TAAR1: variants seen among roughly 807,000 people sequenced by gnomAD.
TAAR1 encodes trace amine associated receptor 1.
TAAR1 carries 1 observed loss-of-function variant against 1.2 expected under a neutral mutation model. The ratio of observed to expected loss-of-function variants is 0.81; its 90% confidence interval spans 0.29 to 3.86. The LOEUF (loss-of-function observed/expected upper bound fraction) is 3.86, where lower values mean the gene tolerates loss of function less well. Ranked by LOEUF, TAAR1 falls within the 30% of genes most tolerant of loss-of-function variation. The probability of loss-of-function intolerance (pLI) is 0.18; values close to 1 mark genes in which losing one functional copy is unlikely to be tolerated. For synonymous variants in TAAR1, 153 were observed against 132.2 expected (o/e 1.16, Z -1.08); for missense variants, 445 against 405.6 (o/e 1.10, Z -0.83).
chr6:132,653,645 C>T (rs1284333767), intron 1 of TAAR1, among the ~76,000 whole-genome samples: 1 of 152,124 alleles, frequency 6.6e-6, no homozygotes, highest in Non-Finnish European at 1.5e-5. Context: ...AATAAATAGT[C>T]TAAAATACAT....
At chr6:132,648,910 G>C (rs1232026558) in intron 1 of TAAR1, among the ~76,000 whole-genome samples, 1 of 152,130 alleles carries the variant, frequency 6.6e-6, no homozygotes, top group Non-Finnish European at 1.5e-5. Context: ...ACAGTTCTGT[G>C]TAAATGATCT....
Position 132,644,846 on chromosome 6 carries a change from A to G in TAAR1, c.*138T>C. On this transcript the variant is annotated 3_prime_UTR_variant, in exon 2 of 2. Transcript: ENST00000275216. ...ATAGGAAATTACCTATAAGCATCAT[A>G]ATTTAACTCACCATACATACTTTGA... 1.5e-6 allele frequency: 1 copy of G among 669,504 alleles called. No homozygotes were observed. The allele number at this position is 669,504 out of a possible 1,614,324, so 41.5% of individuals were successfully genotyped here. A position where few individuals can be genotyped will look rare whatever the true frequency, so the allele number is the denominator to read the frequency against.
intron 1 of TAAR1, among the ~76,000 whole-genome samples, chr6:132,658,658 G>C (rs1777835968): frequency 6.6e-6 from 1 of 151,986 alleles, no homozygotes; most frequent in Non-Finnish European, 1.5e-5. Flanking sequence ...TTGCAGTTTA[G>C]TTGTGTATAT....
chr6:132,655,376 CTTTT>C (rs6149815), intron 1 of TAAR1, among the ~76,000 whole-genome samples: 2 of 133,348 alleles, frequency 1.5e-5, no homozygotes, highest in Admixed American at 7.5e-5. Flanking sequence ...TTCATTCATT[CTTTT>C]TTTTTTTTTT....
At chr6:132,648,855 A>C (rs1777716220) in intron 1 of TAAR1, among the ~76,000 whole-genome samples, 1 of 152,234 alleles carries the variant, frequency 6.6e-6, no homozygotes, top group African/African-American at 2.4e-5. Flanking sequence ...TACAATAGCA[A>C]TATGGGAAGT....
Position 132,645,970 on chromosome 6 carries a change from A to T in TAAR1, c.34T>A (p.Ser12Thr). The T allele has an allele frequency of 6.2e-7, 1 of 1,606,102 alleles. No individual in the cohort carries two copies. ...TTTGACCAGTTGTTTTTCACACAGG[A>T]AATATTAATTATATTGTGGCAAAAG... ...MPFCHNIINI[S>T]CVKNNWSNDV... The change falls in exon 2 of 2, where the codon TCC becomes ACC. Residue 12 changes from serine to threonine, a missense_variant. Transcript: ENST00000275216.
At chr6:132,649,079 C>T (rs1031730505) in intron 1 of TAAR1, among the ~76,000 whole-genome samples, 4 of 152,100 alleles carry the variant, frequency 2.6e-5, no homozygotes, top group Non-Finnish European at 5.9e-5. Flanking sequence ...AGCTTTGTCC[C>T]GGATTCCATT....
At chr6:132,646,758 G>A (rs956482780) in intron 1 of TAAR1, among the ~76,000 whole-genome samples, 1 of 152,068 alleles carries the variant, frequency 6.6e-6, no homozygotes, top group African/African-American at 2.4e-5. Context: ...AGGAAGACAT[G>A]ACATGCTTCA....
In TAAR1 at chr6:132,644,321, G is replaced by C. The variant is rs1164929455; in HGVS notation, c.*663C>G. Reference sequence around the variant, plus strand: ...TAATATAAAATAAAGAATTTTAGATGATATAATCCTTACCAGGAAGTATAC... The same window carrying C: ...TAATATAAAATAAAGAATTTTAGATCATATAATCCTTACCAGGAAGTATAC... On this transcript the variant is annotated 3_prime_UTR_variant, in exon 2 of 2. Transcript: ENST00000275216. 6.6e-6 allele frequency among the ~76,000 whole-genome samples: 1 copy of C among 151,630 alleles called. No individual in the cohort carries two copies. The highest frequency in any genetic ancestry group is 1.5e-5 in the Non-Finnish European group (1 of 67,842).
intron 1 of TAAR1, among the ~76,000 whole-genome samples, chr6:132,658,350 C>T (rs1358188339): frequency 6.6e-6 from 1 of 152,022 alleles, no homozygotes; most frequent in Non-Finnish European, 1.5e-5. Flanking sequence ...CCTACATCAA[C>T]ACAAACCAAC....
rs1777635659 is a variant in TAAR1 at position 132,644,432 on chromosome 6, T to C, written c.*552A>G. 1.3e-5 allele frequency among the ~76,000 whole-genome samples: 2 copies of C among 151,934 alleles called. No homozygotes were observed. The highest frequency in any genetic ancestry group is 2.1e-4 in the South Asian group (1 of 4,824). Reference sequence around the variant, plus strand: ...TTATTTTTCAAATTTCTTAGAAGCATGAGAATCAGAAAAACATAATTTAAA... The same window carrying C: ...TTATTTTTCAAATTTCTTAGAAGCACGAGAATCAGAAAAACATAATTTAAA... On this transcript the variant is annotated 3_prime_UTR_variant, in exon 2 of 2. Transcript: ENST00000275216.
At position 132,643,696 on chromosome 6, in the gene TAAR1, C is replaced by T. The variant is rs7764614; in HGVS notation, c.*1288G>A. On this transcript the variant is annotated 3_prime_UTR_variant, in exon 2 of 2. Coordinates refer to ENST00000275216, the MANE Select transcript of TAAR1 (RefSeq NM_138327.4). ...TGAGCAGAAGGTAAATCCAAATCCC[C>T]AGTGATACTCAATCTGAAACAGACC... Among the ~76,000 whole-genome samples, 25,546 of 151,820 alleles carry T rather than the reference C, an allele frequency of 0.17. 4,633 individuals are homozygous for T. Among genetic ancestry groups the T allele is most frequent in the African/African-American group, 0.45 (18,416 of 41,354 alleles).
chr6:132,657,450 G>T (rs6906925), intron 1 of TAAR1, among the ~76,000 whole-genome samples: 17,667 of 151,384 alleles, frequency 0.12, 3,035 homozygotes, highest in African/African-American at 0.37. Flanking sequence ...AAAATGATCT[G>T]GTTCTTTCTA....
rs2114272575 is a variant in TAAR1 at position 132,645,979 on chromosome 6, T to A, written c.25A>T (p.Ile9Phe). The A allele has an allele frequency of 6.2e-7, 1 of 1,601,768 alleles. No individual in the cohort carries two copies. The highest frequency in any genetic ancestry group is 1.7e-4 in the Middle Eastern group (1 of 6,004). MMPFCHNI[I>F]NISCVKNNWS... is the part of the protein sequence containing the mutation. ...TTGTTTTTCACACAGGAAATATTAATTATATTGTGGCAAAAGGGCATCATT... is the reference window on the plus strand; with the variant it reads ...TTGTTTTTCACACAGGAAATATTAAATATATTGTGGCAAAAGGGCATCATT... Residue 9 changes from isoleucine (I) to phenylalanine (F), a missense_variant, in exon 2 of 2, where the codon ATT becomes TTT. Transcript: ENST00000275216.
At chr6:132,658,219 G>A (rs1562205688) in intron 1 of TAAR1, among the ~76,000 whole-genome samples, 1 of 152,196 alleles carries the variant, frequency 6.6e-6, no homozygotes, top group East Asian at 1.9e-4. Flanking sequence ...AAAGAGACCA[G>A]GGTGAGGGGA....
chr6:132,644,328 T>C lies in TAAR1; in HGVS notation c.*656A>G, dbSNP rs972361041. ...AAATAAAGAATTTTAGATGATATAA[T>C]CCTTACCAGGAAGTATACTATGAAT... is the stretch of plus-strand genomic sequence containing the variant. On this transcript the variant is annotated 3_prime_UTR_variant, in exon 2 of 2. Transcript: ENST00000275216. 3.3e-5 allele frequency among the ~76,000 whole-genome samples: 5 copies of C among 151,902 alleles called. No homozygotes were observed. Among genetic ancestry groups the C allele is most frequent in the African/African-American group, 1.2e-4 (5 of 41,404 alleles).
At chr6:132,655,920 T>C (rs1777800475) in intron 1 of TAAR1, among the ~76,000 whole-genome samples, 1 of 152,194 alleles carries the variant, frequency 6.6e-6, no homozygotes, top group Admixed American at 6.5e-5. Flanking sequence ...AACAGGGCTT[T>C]GGCTTGAGCA....
chr6:132,657,242 A>G (rs1396614802), intron 1 of TAAR1, among the ~76,000 whole-genome samples: 1 of 152,154 alleles, frequency 6.6e-6, no homozygotes, highest in Non-Finnish European at 1.5e-5. Flanking sequence ...TTATAATTAA[A>G]TTTTGGACAG....
chr6:132,656,960 A>C (rs1299540355), intron 1 of TAAR1, among the ~76,000 whole-genome samples: 2 of 152,196 alleles, frequency 1.3e-5, no homozygotes, highest in African/African-American at 4.8e-5. Flanking sequence ...CAAAACAAAA[A>C]TTTATAAATA....
Sources: allele counts gnomAD v4.1 joint callset (sites outside exome capture counted in the v4.1 genomes callset), GRCh38; gene constraint gnomAD v4.1.1; transcripts MANE v1.5; gene names NCBI Gene and HGNC (gene_info 2026-07-23, HGNC 2026-07-21).